Variants in UVRAG observed in about 807,000 individuals in gnomAD.
UVRAG encodes UV radiation resistance associated, also known as UV radiation resistance-associated gene protein.
A neutral mutation model predicts 78.0 loss-of-function variants in UVRAG; 19 were observed. That is an observed-to-expected ratio of 0.24 (90% CI 0.17 to 0.36). The LOEUF (loss-of-function observed/expected upper bound fraction) is 0.36, where lower values mean the gene tolerates loss of function less well. UVRAG is among the 10% of genes least tolerant of loss of function. The pLI is 1.00. For missense variants in UVRAG, 740 were observed against 853.8 expected, an observed-to-expected ratio of 0.87 and a Z score of 1.66; for synonymous variants, 323 against 324.6, an observed-to-expected ratio of 1.00 and a Z score of 0.05.
chr11:76,012,514 A>G (rs1475417612), intron 11 of UVRAG, among the ~76,000 whole-genome samples: 2 of 152,046 alleles, frequency 1.3e-5, no homozygotes, highest in Non-Finnish European at 2.9e-5. Flanking sequence ...ACTTTTTAGT[A>G]TTCTATAGCA....
chr11:75,894,395 A>G (rs1656240436), intron 5 of UVRAG, among the ~76,000 whole-genome samples: 1 of 152,156 alleles, frequency 6.6e-6, no homozygotes. Context: ...CAGAGAGTGA[A>G]AAGCATTGCC....
intron 13 of UVRAG, among the ~76,000 whole-genome samples, chr11:76,073,206 A>G (rs1472270434): frequency 6.6e-6 from 1 of 152,194 alleles, no homozygotes; most frequent in Non-Finnish European, 1.5e-5. Flanking sequence ...TTGGAAAGAG[A>G]ATATGCATAA....
intron 12 of UVRAG, among the ~76,000 whole-genome samples, chr11:76,042,498 TG>T (rs1196774965): frequency 6.6e-6 from 1 of 152,178 alleles, no homozygotes; most frequent in African/African-American, 2.4e-5. Flanking sequence ...ACTCTCTTCT[TG>T]GGTATGTGGA....
intron 10 of UVRAG, among the ~76,000 whole-genome samples, chr11:76,007,889 T>C (rs1039609967): frequency 1.3e-5 from 2 of 152,056 alleles, no homozygotes; most frequent in African/African-American, 4.8e-5. Context: ...TCTTTTTACT[T>C]AACCACATTA....
chr11:75,830,303 G>T (rs576274538), intron 1 of UVRAG, among the ~76,000 whole-genome samples: 1 of 150,604 alleles, frequency 6.6e-6, no homozygotes, highest in African/African-American at 2.4e-5. Flanking sequence ...AGACAGTCTC[G>T]CTTTCGGCCA....
intron 14 of UVRAG, among the ~76,000 whole-genome samples, chr11:76,120,626 A>G (rs1257514850): frequency 6.6e-6 from 1 of 152,196 alleles, no homozygotes; most frequent in Non-Finnish European, 1.5e-5. Context: ...TGCCAAGCAT[A>G]TTAACACTGA....
intron 3 of UVRAG, among the ~76,000 whole-genome samples, chr11:75,865,507 C>A (rs900030443): frequency 1.3e-5 from 2 of 152,098 alleles, no homozygotes; most frequent in Non-Finnish European, 2.9e-5. Flanking sequence ...GTGGTTCAGT[C>A]CTACTGCAGA....
At position 76,016,841 on chromosome 11, in the gene UVRAG, G is replaced by A. The variant is rs1950154711; in HGVS notation, c.1087G>A (p.Ala363Thr). 6.2e-7 allele frequency: 1 copy of A among 1,603,040 alleles called. No individual in the cohort carries two copies. Among genetic ancestry groups the A allele is most frequent in the Non-Finnish European group, 8.5e-7 (1 of 1,173,822 alleles). The change falls in exon 12 of 15, where the codon GCC becomes ACC. Residue 363 changes from alanine to threonine, a missense_variant. Physicochemically the swap from Ala to Thr is moderately conservative, Grantham distance 58. Coordinates refer to ENST00000356136, the MANE Select transcript of UVRAG (RefSeq NM_003369.4). ...QAKDDGSIAV[A>T]LGYTAHLVSM... is the part of the protein sequence containing the mutation. ...AAAAGATGATGGAAGCATTGCTGTT[G>A]CCCTTGGTTATACTGCACATCTGGT...
rs148376983 is a variant in UVRAG at position 76,116,965 on chromosome 11, A to G, written c.1397+950A>G. Among the ~76,000 whole-genome samples, 435 of 152,386 alleles carry G rather than the reference A, an allele frequency of 2.9e-3. 6 individuals carry two copies. The highest frequency in any genetic ancestry group is 1.0e-2 in the African/African-American group (415 of 41,598). ...CTGTTAAGCAAATACACAACTGTTT[A>G]AAGAATTCCACTCAAAACATCAAAA... On this transcript the variant is annotated intron_variant, in intron 14 of 14. Transcript: ENST00000356136.
chr11:75,943,246 C>G (rs1229099732), intron 6 of UVRAG, among the ~76,000 whole-genome samples: 1 of 150,446 alleles, frequency 6.6e-6, no homozygotes, highest in Non-Finnish European at 1.5e-5. Context: ...GGTTTTCAAC[C>G]TCTTATTGAG....
chr11:75,965,707 A>C (rs572206729), intron 7 of UVRAG, among the ~76,000 whole-genome samples: 18 of 152,256 alleles, frequency 1.2e-4, no homozygotes, highest in Middle Eastern at 3.4e-3. Flanking sequence ...TTGTTTTTAA[A>C]TTTTTATTTC....
At chr11:75,918,379 GAAAAA>G (rs35021766) in intron 6 of UVRAG, among the ~76,000 whole-genome samples, 1 of 113,632 alleles carries the variant, frequency 8.8e-6, no homozygotes, top group African/African-American at 3.2e-5. Context: ...CTCCGTCTCA[GAAAAA>G]AAAAAAAAAA....
chr11:75,951,365 A>ATT (rs200501949), intron 6 of UVRAG, among the ~76,000 whole-genome samples: 29 of 141,572 alleles, frequency 2.0e-4, no homozygotes, highest in African/African-American at 8.6e-4. Flanking sequence ...GTGTGTATAT[A>ATT]TTTTTTGTTT....
chr11:76,114,191 G>A (rs1952134219), intron 13 of UVRAG, among the ~76,000 whole-genome samples: 1 of 152,062 alleles, frequency 6.6e-6, no homozygotes, highest in South Asian at 2.1e-4. Flanking sequence ...GTCATGTTGG[G>A]ATATCAGCCA....
intron 12 of UVRAG, among the ~76,000 whole-genome samples, chr11:76,033,112 G>A (rs749769736): frequency 2.6e-5 from 4 of 152,100 alleles, no homozygotes; most frequent in Non-Finnish European, 5.9e-5. Context: ...AGCCATGTTG[G>A]CTTTTAAATA....
chr11:75,910,815 A>G (rs1355703941), intron 5 of UVRAG, among the ~76,000 whole-genome samples: 1 of 152,184 alleles, frequency 6.6e-6, no homozygotes, highest in Non-Finnish European at 1.5e-5. Flanking sequence ...TTTAGAAAGT[A>G]TCCTTGCTAC....
chr11:76,092,933 T>C (rs972214510), intron 13 of UVRAG, among the ~76,000 whole-genome samples: 1 of 152,242 alleles, frequency 6.6e-6, no homozygotes, highest in Non-Finnish European at 1.5e-5. Flanking sequence ...TGAATGGTAT[T>C]GCCTAGGTTT....
At chr11:76,103,537 G>GTTT (rs11312309) in intron 13 of UVRAG, among the ~76,000 whole-genome samples, 20 of 132,206 alleles carry the variant, frequency 1.5e-4, no homozygotes, top group African/African-American at 3.8e-4. Flanking sequence ...TGCTGTTTTG[G>GTTT]TTTTTTTTTT....
At chr11:76,114,350 A>G (rs1223280453) in intron 13 of UVRAG, among the ~76,000 whole-genome samples, 2 of 152,096 alleles carry the variant, frequency 1.3e-5, no homozygotes, top group Admixed American at 6.6e-5. Context: ...GGAAAAAACT[A>G]TTTTCCTTCT....
Sources: gnomAD v4.1 joint callset for allele counts (sites outside exome capture counted in the v4.1 genomes callset) on GRCh38, gnomAD v4.1.1 for gene constraint, MANE v1.5 for transcripts, NCBI Gene and HGNC (gene_info 2026-07-23, HGNC 2026-07-21) for gene names.